SMAP1: variants seen among roughly 807,000 people sequenced by gnomAD.
The protein encoded by SMAP1 is small ArfGAP 1, also known as stromal membrane-associated protein 1.
In SMAP1, 24 loss-of-function variants were observed where a neutral mutation model predicts 58.5. The ratio of observed to expected loss-of-function variants is 0.41; its 90% CI spans 0.30 to 0.58. The LOEUF (loss-of-function observed/expected upper bound fraction) is 0.58, where lower values mean the gene tolerates loss of function less well. Among genes scored for constraint, SMAP1 ranks in the 20% least tolerant of loss-of-function variants. SMAP1 has a pLI of 0.29. For synonymous variants in SMAP1, 216 were observed against 196.6 expected, an observed-to-expected ratio of 1.10 and a Z score of -0.82; for missense variants, 563 against 566.3, an observed-to-expected ratio of 0.99 and a Z score of 0.06.
At chr6:70,774,154 C>G (rs1767449881) in intron 4 of SMAP1, among the ~76,000 whole-genome samples, 1 of 152,118 alleles carries the variant, frequency 6.6e-6, no homozygotes, top group Non-Finnish European at 1.5e-5. Flanking sequence ...GTTGTACCAT[C>G]TAGGTTTGTA....
At chr6:70,750,276 C>CTATTACATTTGCTTGCTTACTCATTGA in intron 2 of SMAP1, among the ~76,000 whole-genome samples, 1 of 152,132 alleles carries the variant, frequency 6.6e-6, no homozygotes, top group Non-Finnish European at 1.5e-5. Context: ...ATGAAATCTC[C>CTATTACATTTGCTTGCTTACTCATTGA]TATTACATTT....
intron 7 of SMAP1, among the ~76,000 whole-genome samples, chr6:70,848,439 T>G (rs193037929): frequency 2.1e-4 from 32 of 152,316 alleles, no homozygotes; most frequent in African/African-American, 7.7e-4. Context: ...TTTCAGAACT[T>G]TAAGTGATTT....
intron 4 of SMAP1, among the ~76,000 whole-genome samples, chr6:70,790,783 T>C (rs1582195385): frequency 6.6e-6 from 1 of 152,196 alleles, no homozygotes; most frequent in Non-Finnish European, 1.5e-5. Context: ...ATAGCACCTT[T>C]TAGTTTTAAA....
intron 8 of SMAP1, among the ~76,000 whole-genome samples, chr6:70,854,149 T>C (rs1015019116): frequency 4.6e-5 from 7 of 152,338 alleles, no homozygotes; most frequent in East Asian, 1.9e-4. Context: ...CTTCAGACTT[T>C]AGGCATTCTG....
intron 1 of SMAP1, among the ~76,000 whole-genome samples, chr6:70,673,672 C>T (rs967607514): frequency 6.6e-6 from 1 of 152,184 alleles, no homozygotes; most frequent in Non-Finnish European, 1.5e-5. Flanking sequence ...GATTATAATT[C>T]ACCTAAAGAA....
intron 3 of SMAP1, among the ~76,000 whole-genome samples, chr6:70,756,564 T>C (rs1464792692): frequency 6.6e-6 from 1 of 152,094 alleles, no homozygotes; most frequent in Non-Finnish European, 1.5e-5. Context: ...CATGACCTTT[T>C]AGGTCAGAAG....
intron 2 of SMAP1, among the ~76,000 whole-genome samples, chr6:70,749,617 A>G (rs972202868): frequency 1.3e-5 from 2 of 151,948 alleles, no homozygotes; most frequent in African/African-American, 4.8e-5. Context: ...AACAACAACC[A>G]GTAAACCTCA....
At chr6:70,844,791 A>G (rs1480970118) in intron 7 of SMAP1, among the ~76,000 whole-genome samples, 2 of 152,230 alleles carry the variant, frequency 1.3e-5, no homozygotes, top group Non-Finnish European at 2.9e-5. Context: ...TTGTGTTTTA[A>G]TATAAAGGAA....
intron 5 of SMAP1, among the ~76,000 whole-genome samples, chr6:70,797,393 T>C (rs926337708): frequency 5.3e-5 from 8 of 152,276 alleles, no homozygotes; most frequent in Middle Eastern, 3.4e-3. Context: ...TGAAACTCAA[T>C]GTTATTACCA....
At chr6:70,756,195 A>G (rs1766483063) in intron 3 of SMAP1, among the ~76,000 whole-genome samples, 1 of 152,096 alleles carries the variant, frequency 6.6e-6, no homozygotes, top group Non-Finnish European at 1.5e-5. Flanking sequence ...TTCTGTTTGA[A>G]GGTAACATTT....
chr6:70,678,535 A>C (rs1165462144), intron 1 of SMAP1, among the ~76,000 whole-genome samples: 5 of 152,226 alleles, frequency 3.3e-5, no homozygotes, highest in African/African-American at 1.2e-4. Context: ...GATCATCACC[A>C]GTATATTAAT....
intron 3 of SMAP1, among the ~76,000 whole-genome samples, chr6:70,767,052 G>C (rs547457111): frequency 3.3e-5 from 5 of 152,190 alleles, no homozygotes; most frequent in South Asian, 4.1e-4. Context: ...AGATCAGATA[G>C]TTGTAGATAT....
intron 1 of SMAP1, among the ~76,000 whole-genome samples, chr6:70,683,630 C>G (rs1318750763): frequency 6.6e-6 from 1 of 152,180 alleles, no homozygotes; most frequent in Non-Finnish European, 1.5e-5. Context: ...TCTGGGTATC[C>G]TGGTGGGCCA....
intron 2 of SMAP1, among the ~76,000 whole-genome samples, chr6:70,741,012 TATTTCCC>T (rs886631139): frequency 2.5e-4 from 38 of 152,218 alleles, no homozygotes; most frequent in African/African-American, 8.9e-4. Context: ...ATGATTCAAT[TATTTCCC>T]ACTGGGTCTC....
At chr6:70,848,977 G>A (rs1771087325) in intron 7 of SMAP1, among the ~76,000 whole-genome samples, 1 of 152,170 alleles carries the variant, frequency 6.6e-6, no homozygotes, top group African/African-American at 2.4e-5. Context: ...ATAGTAACTA[G>A]AAAAATTGAT....
At chr6:70,701,614 C>T (rs1195890273) in intron 1 of SMAP1, among the ~76,000 whole-genome samples, 2 of 152,124 alleles carry the variant, frequency 1.3e-5, no homozygotes, top group South Asian at 2.1e-4. Flanking sequence ...TGATTTCTGC[C>T]CTGTGTCGCT....
intron 1 of SMAP1, among the ~76,000 whole-genome samples, chr6:70,728,202 G>A (rs566487599): frequency 6.6e-6 from 1 of 152,178 alleles, no homozygotes; most frequent in Non-Finnish European, 1.5e-5. Flanking sequence ...CAAGGTTGCA[G>A]GTTCATTCCT....
At chr6:70,706,774 T>C (rs1767856976) in intron 1 of SMAP1, among the ~76,000 whole-genome samples, 1 of 152,222 alleles carries the variant, frequency 6.6e-6, no homozygotes, top group South Asian at 2.1e-4. Context: ...TTATTTTGTG[T>C]TATGTGTATT....
At chr6:70,787,366 T>C (rs1285650471) in intron 4 of SMAP1, among the ~76,000 whole-genome samples, 1 of 152,148 alleles carries the variant, frequency 6.6e-6, no homozygotes, top group Non-Finnish European at 1.5e-5. Flanking sequence ...ACCTAGGCAA[T>C]ACCATTCAGG....
Sources: gnomAD v4.1 joint callset for allele counts (sites outside exome capture counted in the v4.1 genomes callset) on GRCh38, gnomAD v4.1.1 for gene constraint, MANE v1.5 for transcripts, NCBI Gene and HGNC (gene_info 2026-07-23, HGNC 2026-07-21) for gene names.